Variants in RPTOR observed in about 807,000 individuals in gnomAD.
The protein encoded by RPTOR is regulatory-associated protein of mTOR.
A neutral mutation model predicts 169.9 loss-of-function variants in RPTOR; 21 were observed. That is an observed-to-expected ratio of 0.12 (90% CI 0.09 to 0.18). The LOEUF is 0.18. RPTOR is among the 10% of genes least tolerant of loss of function. The probability of loss-of-function intolerance (pLI) is 1.00; values close to 1 mark genes in which losing one functional copy is unlikely to be tolerated. For missense variants in RPTOR, 1,133 were observed against 1,855.9 expected (o/e 0.61, Z 7.16); for synonymous variants, 732 against 753.2 (o/e 0.97, Z 0.46).
chr17:80,840,088 T>C (rs1306238044), intron 10 of RPTOR, among the ~76,000 whole-genome samples: 1 of 152,182 alleles, frequency 6.6e-6, no homozygotes, highest in East Asian at 1.9e-4. Flanking sequence ...GGTGAATGTT[T>C]CAAGCTGCAC....
At chr17:80,788,699 A>T (rs145663878) in intron 6 of RPTOR, among the ~76,000 whole-genome samples, 6 of 152,344 alleles carry the variant, frequency 3.9e-5, no homozygotes, top group African/African-American at 1.4e-4. Flanking sequence ...TCTGTATATC[A>T]TAAGACCTCA....
chr17:80,905,053 G>A (rs1309630569), intron 20 of RPTOR, among the ~76,000 whole-genome samples: 5 of 152,198 alleles, frequency 3.3e-5, no homozygotes, highest in Non-Finnish European at 5.9e-5. Context: ...ACGACGCTCA[G>A]TCCTGCTAGG....
chr17:80,714,650 G>A (rs181295795), intron 4 of RPTOR, among the ~76,000 whole-genome samples: 1 of 152,316 alleles, frequency 6.6e-6, no homozygotes, highest in East Asian at 1.9e-4. Flanking sequence ...GGATTTAGGT[G>A]TAACAGTGCT....
intron 11 of RPTOR, among the ~76,000 whole-genome samples, chr17:80,853,681 T>C (rs924288064): frequency 1.3e-5 from 2 of 152,108 alleles, no homozygotes; most frequent in Non-Finnish European, 2.9e-5. Flanking sequence ...GTAATGCCAT[T>C]AAAAGTGTAA....
intron 28 of RPTOR, among the ~76,000 whole-genome samples, chr17:80,954,870 TCA>T (rs1423255703): frequency 1.3e-5 from 2 of 151,554 alleles, no homozygotes; most frequent in African/African-American, 4.9e-5. Flanking sequence ...TGAGCCAAGA[TCA>T]CACCACTGCA....
chr17:80,857,183 C>T (rs2067861659), intron 12 of RPTOR, among the ~76,000 whole-genome samples: 1 of 152,220 alleles, frequency 6.6e-6, no homozygotes, highest in African/African-American at 2.4e-5. Context: ...TCCCCTGCCT[C>T]TGAGGGCAGA....
intron 6 of RPTOR, among the ~76,000 whole-genome samples, chr17:80,780,070 C>T (rs2066925546): frequency 6.6e-6 from 1 of 152,168 alleles, no homozygotes; most frequent in Admixed American, 6.5e-5. Context: ...GATTTCTGCT[C>T]AGTAGCCTTC....
At chr17:80,918,810 A>G (rs531521298) in intron 21 of RPTOR, among the ~76,000 whole-genome samples, 1 of 152,298 alleles carries the variant, frequency 6.6e-6, no homozygotes, top group Non-Finnish European at 1.5e-5. Context: ...CCATACAGCA[A>G]GCTGCATCGT....
chr17:80,838,448 A>G lies in RPTOR; in HGVS notation c.1212+451A>G, dbSNP rs145509314. Among the ~76,000 whole-genome samples, 279 of 152,184 alleles carry G rather than the reference A, an allele frequency of 1.8e-3. 1 individual carries two copies. The highest frequency in any genetic ancestry group is 6.1e-3 in the African/African-American group (255 of 41,540). On this transcript the variant is annotated intron_variant, in intron 10 of 33. Coordinates refer to ENST00000306801, the MANE Select transcript of RPTOR (RefSeq NM_020761.3). ...GGGCGCTGGAGAGCTGAGCCACCCT[A>G]CGGCGGAACCTGGGTTTAGTCGCCG...
chr17:80,616,794 C>T (rs963149273), intron 1 of RPTOR, among the ~76,000 whole-genome samples: 1 of 152,074 alleles, frequency 6.6e-6, no homozygotes, highest in Non-Finnish European at 1.5e-5. Flanking sequence ...CTTTGCTATA[C>T]TTACTTTACG....
chr17:80,667,544 T>G (rs530197940), intron 3 of RPTOR, among the ~76,000 whole-genome samples: 97 of 152,318 alleles, frequency 6.4e-4, no homozygotes, highest in African/African-American at 2.2e-3. Context: ...ATGCCCAGAG[T>G]TAATAAAGTT....
chr17:80,711,016 A>T (rs772159826), intron 4 of RPTOR, among the ~76,000 whole-genome samples: 57 of 152,296 alleles, frequency 3.7e-4, no homozygotes, highest in Admixed American at 1.2e-3. Flanking sequence ...TGACTTACTG[A>T]TCTAGCTTCT....
intron 3 of RPTOR, among the ~76,000 whole-genome samples, chr17:80,656,144 C>T (rs572075912): frequency 9.0e-4 from 137 of 152,316 alleles, no homozygotes; most frequent in Middle Eastern, 6.8e-3. Context: ...AATCTCGGCT[C>T]ACCGCAACCT....
At position 80,607,142 on chromosome 17, in the gene RPTOR, C is replaced by T. The variant is rs572071309; in HGVS notation, c.163-18549C>T. The stretch of plus-strand genomic sequence containing the variant: ...TTGAAGAGGAGTCTCACTCTGTCTC[C>T]CAGACTGGTCTTGAACGCCCCCCTT... On this transcript the variant is annotated intron_variant, in intron 1 of 33. Transcript: ENST00000306801. 2.6e-5 allele frequency among the ~76,000 whole-genome samples: 4 copies of T among 152,238 alleles called. No homozygotes were observed. In the South Asian group the frequency reaches 8.3e-4, roughly 32 times the overall value.
At chr17:80,874,515 T>C (rs1029860486) in intron 13 of RPTOR, among the ~76,000 whole-genome samples, 5 of 152,176 alleles carry the variant, frequency 3.3e-5, no homozygotes, top group Non-Finnish European at 7.4e-5. Context: ...TTAATATATA[T>C]ATTTATGTTG....
intron 6 of RPTOR, among the ~76,000 whole-genome samples, chr17:80,786,016 G>A (rs1028800544): frequency 6.6e-6 from 1 of 152,110 alleles, no homozygotes; most frequent in South Asian, 2.1e-4. Flanking sequence ...TGGCTAGGTG[G>A]GGTGGGTGGT....
At chr17:80,837,365 A>G (rs1424110852) in intron 9 of RPTOR, among the ~76,000 whole-genome samples, 1 of 152,032 alleles carries the variant, frequency 6.6e-6, no homozygotes, top group East Asian at 1.9e-4. Flanking sequence ...GAGGCAAGGG[A>G]GGGACAGGGA....
intron 6 of RPTOR, among the ~76,000 whole-genome samples, chr17:80,773,620 G>C (rs2066865499): frequency 6.6e-6 from 1 of 152,166 alleles, no homozygotes; most frequent in South Asian, 2.1e-4. Flanking sequence ...CCAGTGGCTG[G>C]CTGGTCTGTT....
At chr17:80,571,143 T>G (rs571166740) in intron 1 of RPTOR, among the ~76,000 whole-genome samples, 1 of 152,334 alleles carries the variant, frequency 6.6e-6, no homozygotes, top group African/African-American at 2.4e-5. Context: ...CACTCAGTCA[T>G]GTAGTGCCAG....
Sources: gnomAD v4.1 joint callset for allele counts (sites outside exome capture counted in the v4.1 genomes callset) on GRCh38, gnomAD v4.1.1 for gene constraint, MANE v1.5 for transcripts, NCBI Gene and HGNC (gene_info 2026-07-23, HGNC 2026-07-21) for gene names.